The following AMOTL1 variants were observed in gnomAD, a reference collection of about 807,000 sequenced individuals.
AMOTL1 encodes angiomotin-like protein 1.
AMOTL1 carries 45 observed loss-of-function variants against 102.9 expected under a neutral mutation model. The observed-to-expected ratio is 0.44, with a 90% confidence interval of 0.34 to 0.56. AMOTL1 has a LOEUF of 0.56. Ranked by LOEUF, AMOTL1 falls within the 20% of genes least tolerant of loss-of-function variation. AMOTL1 has a pLI of 0.01. For synonymous variants in AMOTL1, 481 were observed against 484.7 expected (o/e 0.99, Z 0.10); for missense variants, 1,114 against 1,225.6 (o/e 0.91, Z 1.36).
At chr11:94,740,956 C>G (rs1407622251) in exon 3 of AMOTL1, 15 of 1,289,136 alleles carry the variant, frequency 1.2e-5, no homozygotes, top group African/African-American at 1.5e-5. Flanking sequence ...TTTGTGGAAG[C>G]CTCGCCCGCA....
intron 6 of AMOTL1, among the ~76,000 whole-genome samples, chr11:94,845,657 G>A (rs1952396662): frequency 6.6e-6 from 1 of 152,234 alleles, no homozygotes; most frequent in Admixed American, 6.5e-5. Flanking sequence ...GAGAGGTAAA[G>A]TCATGTGTCC....
Position 94,872,913 on chromosome 11 carries a change from G to C in AMOTL1, c.*2118G>C. Reference sequence around the variant, plus strand: ...GTTCCCACCACATTTCATAGGAGATGAGTTAGGAGATGACAGCTAACTCTC... The same window carrying C: ...GTTCCCACCACATTTCATAGGAGATCAGTTAGGAGATGACAGCTAACTCTC... On this transcript the variant is annotated 3_prime_UTR_variant, in exon 13 of 13. Transcript: ENST00000433060. 6.6e-6 allele frequency: 1 copy of C among 152,310 alleles called. No individual in the cohort carries two copies. Among genetic ancestry groups the C allele is most frequent in the Admixed American group, 6.5e-5 (1 of 15,296 alleles). The allele number at this position is 152,310 out of a possible 1,614,324, so 9.4% of individuals were successfully genotyped here.
chr11:94,716,425 T>G (rs1337480506), intron 1 of AMOTL1, among the ~76,000 whole-genome samples: 1 of 152,158 alleles, frequency 6.6e-6, no homozygotes, highest in Non-Finnish European at 1.5e-5. Context: ...ACTTGTACCC[T>G]GGACATTTTG....
At chr11:94,847,816 T>G (rs1183808294) in intron 6 of AMOTL1, among the ~76,000 whole-genome samples, 1 of 152,162 alleles carries the variant, frequency 6.6e-6, no homozygotes, top group African/African-American at 2.4e-5. Context: ...TAGCTATCAT[T>G]GTGACATAGC....
At chr11:94,841,195 C>T (rs192042219) in intron 6 of AMOTL1, among the ~76,000 whole-genome samples, 46 of 152,246 alleles carry the variant, frequency 3.0e-4, no homozygotes, top group Middle Eastern at 3.4e-3. Flanking sequence ...AATCCCAGCA[C>T]TTTGGGAGGC....
chr11:94,825,743 G>A (rs1951950802), intron 4 of AMOTL1, among the ~76,000 whole-genome samples: 2 of 152,156 alleles, frequency 1.3e-5, no homozygotes, highest in African/African-American at 4.8e-5. Flanking sequence ...TTCTGAACAT[G>A]GAGTAATAGA....
At chr11:94,821,369 T>G (rs1951862655) in intron 3 of AMOTL1, among the ~76,000 whole-genome samples, 161 bp from the exon 4 acceptor site, 1 of 152,234 alleles carries the variant, frequency 6.6e-6, no homozygotes, top group African/African-American at 2.4e-5. Context: ...ATAGCCGGAA[T>G]GGTGCCAATT....
intron 3 of AMOTL1, among the ~76,000 whole-genome samples, chr11:94,760,095 C>T (rs1352408162): frequency 6.6e-6 from 1 of 152,240 alleles, no homozygotes; most frequent in African/African-American, 2.4e-5. Context: ...AGAACTACTG[C>T]CCTAATGGCA....
chr11:94,821,503 T>C, intron 3 of AMOTL1, 27 bp from the exon 4 acceptor site: 1 of 1,603,364 alleles, frequency 6.2e-7, no homozygotes, highest in South Asian at 1.1e-5. Context: ...CCCCAGGCTC[T>C]AACTGCTGCC....
At chr11:94,846,696 G>A (rs1012824750) in intron 6 of AMOTL1, among the ~76,000 whole-genome samples, 4 of 152,208 alleles carry the variant, frequency 2.6e-5, no homozygotes, top group African/African-American at 9.7e-5. Flanking sequence ...CCCTATGTGT[G>A]CTTGGAGAGG....
At chr11:94,855,853 G>A (rs533617140) in intron 8 of AMOTL1, among the ~76,000 whole-genome samples, 3 of 152,322 alleles carry the variant, frequency 2.0e-5, no homozygotes, top group Admixed American at 2.0e-4. Flanking sequence ...CATGAAGGCT[G>A]CTGACAGGCT....
chr11:94,714,116 T>C (rs944627566), intron 1 of AMOTL1, among the ~76,000 whole-genome samples: 2 of 152,062 alleles, frequency 1.3e-5, no homozygotes, highest in African/African-American at 2.4e-5. Context: ...GCTTGTTACA[T>C]GCTTTTCGTG....
chr11:94,738,569 T>G lies in AMOTL1; in HGVS notation c.86-2369T>G, dbSNP rs73525898. ...CACCATGCCCAGCCAATTTTGTGCT[T>G]CTTCAATCATGTTTAGCTGGGTGTA... On this transcript the variant is annotated intron_variant, in intron 2 of 4. Transcript: ENST00000299004. Among the ~76,000 whole-genome samples, 434 of 152,342 alleles carry G rather than the reference T, an allele frequency of 2.8e-3. 1 individual carries two copies. Among genetic ancestry groups the G allele is most frequent in the African/African-American group, 0.01 (424 of 41,588 alleles).
chr11:94,711,657 A>G (rs1950023485), intron 1 of AMOTL1, among the ~76,000 whole-genome samples: 1 of 152,084 alleles, frequency 6.6e-6, no homozygotes, highest in African/African-American at 2.4e-5. Context: ...ATATAATTTT[A>G]TTTCAAGAAT....
At chr11:94,826,217 C>CA (rs1261767485) in intron 4 of AMOTL1, among the ~76,000 whole-genome samples, 1 of 152,108 alleles carries the variant, frequency 6.6e-6, no homozygotes, top group African/African-American at 2.4e-5. Context: ...CACTTGAATC[C>CA]AGGAGGTGGA....
At chr11:94,782,895 C>G (rs1417831305) in intron 1 of AMOTL1, among the ~76,000 whole-genome samples, 1 of 152,072 alleles carries the variant, frequency 6.6e-6, no homozygotes, top group Non-Finnish European at 1.5e-5. Flanking sequence ...ATTCTCACTT[C>G]GTTTTAAAAC....
intron 2 of AMOTL1, among the ~76,000 whole-genome samples, chr11:94,735,924 G>T (rs2135467593): frequency 6.6e-6 from 1 of 152,196 alleles, no homozygotes; most frequent in Admixed American, 6.5e-5. Context: ...TTAGAGTTAG[G>T]AGTTGGGTTC....
intron 1 of AMOTL1, among the ~76,000 whole-genome samples, chr11:94,775,982 G>GTTCC (rs1175766222): frequency 6.6e-6 from 1 of 152,190 alleles, no homozygotes; most frequent in East Asian, 1.9e-4. Context: ...TTCTAGGGAT[G>GTTCC]TTCCACTCAT....
At chr11:94,723,304 A>G (rs1012628493) in intron 1 of AMOTL1, among the ~76,000 whole-genome samples, 2 of 152,164 alleles carry the variant, frequency 1.3e-5, no homozygotes, top group African/African-American at 4.8e-5. Flanking sequence ...GAGAAGCACA[A>G]AGGAAGAAAG....
Sources: gnomAD v4.1 joint callset for allele counts (sites outside exome capture counted in the v4.1 genomes callset) on GRCh38, gnomAD v4.1.1 for gene constraint, MANE v1.5 for transcripts, NCBI Gene and HGNC (gene_info 2026-07-23, HGNC 2026-07-21) for gene names.